Variants in PACS1 observed in about 807,000 individuals in gnomAD.
The protein encoded by PACS1 is PACS-1.
PACS1 carries 24 observed loss-of-function variants against 115.0 expected under a neutral mutation model. That is an observed-to-expected ratio of 0.21 (90% confidence interval 0.15 to 0.29). The LOEUF is 0.29. Ranked by LOEUF, PACS1 falls within the 10% of genes least tolerant of loss-of-function variation. The pLI is 1.00. For missense variants in PACS1, 838 were observed against 1,251.2 expected (o/e 0.67, Z 4.98); for synonymous variants, 453 against 504.5 (o/e 0.90, Z 1.37).
At chr11:66,167,375 G>A (rs1343262506) in intron 1 of PACS1, among the ~76,000 whole-genome samples, 1 of 111,894 alleles carries the variant, frequency 8.9e-6, no homozygotes, top group African/African-American at 3.8e-5. Context: ...CTTACTCTGT[G>A]ATCCAGGCTG....
At chr11:66,173,966 C>T (rs142159921) in intron 1 of PACS1, among the ~76,000 whole-genome samples, 40 of 152,136 alleles carry the variant, frequency 2.6e-4, no homozygotes, top group African/African-American at 9.6e-4. Flanking sequence ...GCATGAGAAT[C>T]ACTTGAACCT....
chr11:66,232,011 G>A (rs1855606561), intron 13 of PACS1, 161 bp from the exon 14 acceptor site: 2 of 577,216 alleles, frequency 3.5e-6, no homozygotes, highest in Admixed American at 3.2e-5. Flanking sequence ...CCTTTCCATC[G>A]TGGTCTGGCC....
chr11:66,178,662 G>GA (rs763069791), intron 1 of PACS1, among the ~76,000 whole-genome samples: 89 of 151,826 alleles, frequency 5.9e-4, no homozygotes, highest in Non-Finnish European at 1.0e-3. Flanking sequence ...ATGTTTTTAT[G>GA]AAAAAACTGT....
intron 1 of PACS1, among the ~76,000 whole-genome samples, chr11:66,117,236 A>T (rs918652712): frequency 3.3e-5 from 5 of 151,272 alleles, no homozygotes; most frequent in African/African-American, 1.2e-4. Context: ...CTAGGTGGAT[A>T]GATCACTTGA....
chr11:66,112,934 GA>G (rs1858220724), intron 1 of PACS1, among the ~76,000 whole-genome samples: 1 of 152,210 alleles, frequency 6.6e-6, no homozygotes, highest in African/African-American at 2.4e-5. Context: ...TATGCTGCAT[GA>G]AAGGAAGCCT....
intron 1 of PACS1, among the ~76,000 whole-genome samples, chr11:66,119,399 A>G (rs952537418): frequency 1.3e-5 from 2 of 152,250 alleles, no homozygotes; most frequent in African/African-American, 2.4e-5. Context: ...GAACAGTTGC[A>G]TCAGAGACCT....
intron 11 of PACS1, among the ~76,000 whole-genome samples, chr11:66,228,913 A>C (rs941289192): frequency 1.3e-5 from 2 of 152,030 alleles, no homozygotes; most frequent in African/African-American, 4.8e-5. Context: ...AAACATAAAG[A>C]CCAGGCAGAG....
intron 1 of PACS1, among the ~76,000 whole-genome samples, chr11:66,129,318 G>C (rs1858649653): frequency 1.3e-5 from 2 of 151,596 alleles, no homozygotes; most frequent in African/African-American, 4.8e-5. Context: ...TGTAATCCCA[G>C]CTACTTAGGA....
At chr11:66,116,284 C>T (rs1858305133) in intron 1 of PACS1, among the ~76,000 whole-genome samples, 2 of 152,202 alleles carry the variant, frequency 1.3e-5, no homozygotes, top group African/African-American at 4.8e-5. Flanking sequence ...TTTGACTGCT[C>T]ATCTCACATC....
intron 1 of PACS1, among the ~76,000 whole-genome samples, chr11:66,090,762 G>A (rs1379073358): frequency 6.6e-6 from 1 of 152,132 alleles, no homozygotes; most frequent in Non-Finnish European, 1.5e-5. Flanking sequence ...AGAGTTTTAT[G>A]TTCCTCAGTG....
At chr11:66,079,757 A>G (rs1365974800) in intron 1 of PACS1, among the ~76,000 whole-genome samples, 1 of 152,224 alleles carries the variant, frequency 6.6e-6, no homozygotes, top group Non-Finnish European at 1.5e-5. Flanking sequence ...GACACCATCC[A>G]GTAACTTTCC....
intron 1 of PACS1, among the ~76,000 whole-genome samples, chr11:66,073,841 A>C (rs908883259): frequency 1.1e-4 from 17 of 150,250 alleles, no homozygotes; most frequent in African/African-American, 4.2e-4. Context: ...GCAGCCTCCA[A>C]CTCCTGGGCT....
chr11:66,230,396 T>C, intron 11 of PACS1, 152 bp from the exon 12 acceptor site: 1 of 626,704 alleles, frequency 1.6e-6, no homozygotes, highest in Non-Finnish European at 2.9e-6. Context: ...TTCCTTCGGC[T>C]GAGGCAGGAG....
chr11:66,198,780 A>AT (rs1017801508), intron 2 of PACS1, among the ~76,000 whole-genome samples: 1 of 152,140 alleles, frequency 6.6e-6, no homozygotes, highest in Non-Finnish European at 1.5e-5. Context: ...TAAAGCTGTA[A>AT]TTTTTTTAAA....
At chr11:66,164,724 C>G (rs752649380) in intron 1 of PACS1, among the ~76,000 whole-genome samples, 2 of 150,246 alleles carry the variant, frequency 1.3e-5, no homozygotes, top group Non-Finnish European at 3.0e-5. Flanking sequence ...GCAGGAATTA[C>G]AGGTGTGAGC....
chr11:66,199,467 C>T (rs994911894), intron 2 of PACS1, among the ~76,000 whole-genome samples: 2 of 151,882 alleles, frequency 1.3e-5, no homozygotes, highest in African/African-American at 4.8e-5. Flanking sequence ...TTGCAAGCCT[C>T]ATGGTAACTG....
chr11:66,136,390 A>C (rs1858848191), intron 1 of PACS1, among the ~76,000 whole-genome samples: 1 of 151,954 alleles, frequency 6.6e-6, no homozygotes, highest in Admixed American at 6.5e-5. Flanking sequence ...TCCTGAGTGC[A>C]GGAGTTATGA....
At chr11:66,191,523 C>T (rs969732243) in intron 1 of PACS1, among the ~76,000 whole-genome samples, 4 of 152,192 alleles carry the variant, frequency 2.6e-5, no homozygotes, top group Non-Finnish European at 5.9e-5. Context: ...CAGGTCACTA[C>T]TCCACTTGAA....
intron 1 of PACS1, among the ~76,000 whole-genome samples, chr11:66,177,027 C>G (rs181206566): frequency 8.5e-5 from 13 of 152,272 alleles, no homozygotes; most frequent in African/African-American, 2.4e-4. Flanking sequence ...AGCTCCATCC[C>G]TGTTCCTTCA....
Sources: allele counts gnomAD v4.1 joint callset (sites outside exome capture counted in the v4.1 genomes callset), GRCh38; gene constraint gnomAD v4.1.1; transcripts MANE v1.5; gene names NCBI Gene and HGNC (gene_info 2026-07-23, HGNC 2026-07-21).